STXBP5: variants seen among roughly 807,000 people sequenced by gnomAD.
The protein encoded by STXBP5 is syntaxin binding protein 5.
A neutral mutation model predicts 152.4 loss-of-function variants in STXBP5; 50 were observed. The observed-to-expected ratio is 0.33, with a 90% CI of 0.26 to 0.42. STXBP5 has a LOEUF of 0.42. Ranked by LOEUF, STXBP5 falls within the 10% of genes least tolerant of loss-of-function variation. STXBP5 has a pLI of 1.00. For synonymous variants in STXBP5, 492 were observed against 494.7 expected (o/e 0.99, Z 0.07); for missense variants, 1,167 against 1,388.6 (o/e 0.84, Z 2.54).
chr6:147,368,632 G>T (rs926060646), intron 25 of STXBP5, among the ~76,000 whole-genome samples: 4 of 151,992 alleles, frequency 2.6e-5, no homozygotes, highest in African/African-American at 7.2e-5. Context: ...GTGCACTCAG[G>T]CAAGGAAAAG....
At chr6:147,329,791 A>G (rs1250623263) in intron 18 of STXBP5, among the ~76,000 whole-genome samples, 1 of 151,726 alleles carries the variant, frequency 6.6e-6, no homozygotes, top group South Asian at 2.1e-4. Context: ...GCACCCGGCT[A>G]ATTTTTTTTG....
chr6:147,315,486 G>T (rs142110001), intron 14 of STXBP5, 29 bp from the exon 15 acceptor site: 1 of 1,427,224 alleles, frequency 7.0e-7, no homozygotes, highest in Non-Finnish European at 9.7e-7. Context: ...TTATATTAAA[G>T]TATCTGACAT....
At chr6:147,228,161 ATGTGTGTG>A (rs1341951818) in intron 2 of STXBP5, among the ~76,000 whole-genome samples, 1 of 151,646 alleles carries the variant, frequency 6.6e-6, no homozygotes, top group Non-Finnish European at 1.5e-5. Flanking sequence ...GTGTGTGTGC[ATGTGTGTG>A]TCTATGTGTG....
chr6:147,333,367 C>CA (rs1783674672), intron 18 of STXBP5, among the ~76,000 whole-genome samples: 2 of 151,982 alleles, frequency 1.3e-5, no homozygotes, highest in East Asian at 1.9e-4. Context: ...ACTAAAAATA[C>CA]AAAAAAACTA....
At chr6:147,229,329 A>G (rs1026305270) in intron 2 of STXBP5, among the ~76,000 whole-genome samples, 6 of 151,874 alleles carry the variant, frequency 4.0e-5, no homozygotes, top group African/African-American at 1.4e-4. Flanking sequence ...AGTATTTATC[A>G]TTCATACAAG....
In STXBP5 at chr6:147,352,284, T is replaced by A. The variant is rs1195985111; in HGVS notation, c.2255-1039T>A. 2.0e-5 allele frequency among the ~76,000 whole-genome samples: 3 copies of A among 152,254 alleles called. No individual in the cohort carries two copies. The East Asian group carries it at 5.8e-4, about 29-fold the overall frequency. On this transcript the variant is annotated intron_variant, in intron 21 of 27. Transcript: ENST00000321680. ...TGGTTGAGTCAGATATTGTATAATG[T>A]AATCAAATACTTAAATTTGATTAGA... is the stretch of plus-strand genomic sequence containing the variant.
intron 21 of STXBP5, among the ~76,000 whole-genome samples, chr6:147,348,050 A>G (rs978618074): frequency 1.3e-5 from 2 of 152,224 alleles, no homozygotes; most frequent in Non-Finnish European, 2.9e-5. Flanking sequence ...ATTTTAGTTT[A>G]AATGTTAGTA....
intron 7 of STXBP5, among the ~76,000 whole-genome samples, chr6:147,268,801 C>T (rs1177882735): frequency 6.6e-6 from 1 of 152,158 alleles, no homozygotes; most frequent in Non-Finnish European, 1.5e-5. Context: ...ATATATTGAA[C>T]AACAGTTTTC....
At chr6:147,267,894 A>C (rs1203572329) in intron 7 of STXBP5, among the ~76,000 whole-genome samples, 3 of 152,146 alleles carry the variant, frequency 2.0e-5, no homozygotes, top group African/African-American at 7.2e-5. Context: ...TAGTTGCAAA[A>C]TAGGAGACAT....
chr6:147,221,344 G>GT (rs1282043751), intron 2 of STXBP5, among the ~76,000 whole-genome samples: 3 of 151,832 alleles, frequency 2.0e-5, no homozygotes, highest in African/African-American at 7.3e-5. Flanking sequence ...AAACAGAAAA[G>GT]TTTTTATTTT....
intron 4 of STXBP5, among the ~76,000 whole-genome samples, chr6:147,245,005 T>G (rs961515955): frequency 1.1e-3 from 167 of 148,522 alleles, no homozygotes; most frequent in African/African-American, 4.0e-3. Context: ...TTTTTTTTTT[T>G]TTTTTTAGAG....
chr6:147,222,952 G>A (rs1318552091), intron 2 of STXBP5, among the ~76,000 whole-genome samples: 1 of 152,194 alleles, frequency 6.6e-6, no homozygotes, highest in Non-Finnish European at 1.5e-5. Context: ...TGTGCTTATG[G>A]GTTTCTGCTT....
chr6:147,376,700 A>C (rs1785827908), intron 26 of STXBP5, among the ~76,000 whole-genome samples: 2 of 151,952 alleles, frequency 1.3e-5, no homozygotes, highest in Non-Finnish European at 2.9e-5. Flanking sequence ...AGACCCACTT[A>C]CTCATGAAGC....
chr6:147,259,800 A>G (rs758782602), intron 4 of STXBP5, among the ~76,000 whole-genome samples: 7 of 152,126 alleles, frequency 4.6e-5, no homozygotes, highest in Admixed American at 6.5e-5. Context: ...TTAACTAAAA[A>G]TAAGTGCTAT....
intron 2 of STXBP5, among the ~76,000 whole-genome samples, chr6:147,226,911 C>T (rs1267395569): frequency 5.9e-5 from 9 of 152,040 alleles, no homozygotes; most frequent in East Asian, 1.9e-4. Context: ...ACTAAATGAG[C>T]GAACATGGAG....
intron 2 of STXBP5, among the ~76,000 whole-genome samples, chr6:147,233,160 A>G (rs1284212728): frequency 6.6e-6 from 1 of 151,778 alleles, no homozygotes; most frequent in African/African-American, 2.4e-5. Flanking sequence ...TTTTTAAACA[A>G]ACATCTAAGA....
rs778020321 is a variant in STXBP5 at position 147,382,801 on chromosome 6, G to T, written c.3217G>T (p.Ala1073Ser). ...ELFGESSSGK[A>S]SRSLAQHIPG... is the part of the protein sequence containing the mutation. ...AGTTGGAGAATCGTCCTCAGGAAAG[G>T]CTTCAAGGAGCCTTGCACAGCATAT... The change falls in exon 27 of 28, where the codon GCT (alanine) becomes TCT (serine). Residue 1073 changes from alanine (A) to serine (S), a missense_variant. Coordinates refer to ENST00000321680, the MANE Select transcript of STXBP5 (RefSeq NM_001127715.4). 1 of 1,613,312 alleles carries T rather than the reference G, an allele frequency of 6.2e-7. No homozygotes were observed. Among genetic ancestry groups the T allele is most frequent in the Non-Finnish European group, 8.5e-7 (1 of 1,179,508 alleles).
Position 147,339,252 on chromosome 6 carries a change from A to AT in STXBP5, c.2206+18dup. On this transcript the variant is annotated intron_variant, in intron 20 of 27. Transcript: ENST00000321680. The stretch of plus-strand genomic sequence containing the variant: ...TTATAGAAAAGGGTATAGTATCTTG[A>AT]TTTTAAAGTATTTTCTTTTATGTTT... 2 of 1,516,450 alleles carry AT rather than the reference A, an allele frequency of 1.3e-6. No individual in the cohort carries two copies. Among genetic ancestry groups the AT allele is most frequent in the African/African-American group, 1.4e-5 (1 of 70,928 alleles). The allele number at this position is 1,516,450 out of a possible 1,614,324, so 93.9% of individuals were successfully genotyped here. A position where few individuals can be genotyped will look rare whatever the true frequency, so the allele number is the denominator to read the frequency against.
chr6:147,382,691 C>T, intron 26 of STXBP5, 87 bp from the exon 27 acceptor site: 2 of 1,395,432 alleles, frequency 1.4e-6, no homozygotes, highest in Admixed American at 2.1e-5. Flanking sequence ...CCACTCAATC[C>T]AAAAATTGTA....
Sources: allele counts gnomAD v4.1 joint callset (sites outside exome capture counted in the v4.1 genomes callset), GRCh38; gene constraint gnomAD v4.1.1; transcripts MANE v1.5; gene names NCBI Gene and HGNC (gene_info 2026-07-23, HGNC 2026-07-21).